The following GLMN variants were observed in gnomAD, a reference collection of about 807,000 sequenced individuals.
GLMN encodes glomulin, FKBP associated protein.
A neutral mutation model predicts 87.8 loss-of-function variants in GLMN; 75 were observed. The observed-to-expected ratio is 0.85, with a 90% CI of 0.71 to 1.04. The LOEUF (loss-of-function observed/expected upper bound fraction) is 1.04, where lower values mean the gene tolerates loss of function less well. GLMN is among the 50% of genes least tolerant of loss of function. The probability of loss-of-function intolerance (pLI) is 0.00; values close to 1 mark genes in which losing one functional copy is unlikely to be tolerated. For synonymous variants in GLMN, 206 were observed against 221.6 expected, an observed-to-expected ratio of 0.93 and a Z score of 0.63; for missense variants, 588 against 658.8, an observed-to-expected ratio of 0.89 and a Z score of 1.18.
the GLMN span, among the ~76,000 whole-genome samples, chr1:92,350,060 C>T: frequency 6.2e-4 from 95 of 152,248 alleles, no homozygotes; most frequent in South Asian, 2.3e-3. Flanking sequence ...AAATGCATCC[C>T]ATATGAAAAT....
chr1:92,297,399 C>A lies in GLMN; in HGVS notation c.165+5G>T, dbSNP rs766877348. On this transcript the variant is annotated splice_donor_5th_base_variant and intron_variant, in intron 3 of 18. Coordinates refer to ENST00000370360, the MANE Select transcript of GLMN (RefSeq NM_053274.3). ...CTGAAAAGTAAACACCAAGATTGTA[C>A]GCACCTTATTCTTTTCATTTTGAAT... The A allele has an allele frequency of 6.2e-7, 1 of 1,609,022 alleles. No individual in the cohort carries two copies. Among genetic ancestry groups the A allele is most frequent in the African/African-American group, 1.3e-5 (1 of 74,636 alleles).
chr1:92,314,547 C>T, the GLMN span, among the ~76,000 whole-genome samples: 397 of 147,466 alleles, frequency 2.7e-3, 3 homozygotes, highest in South Asian at 9.8e-3. Flanking sequence ...GTCAGGAGTT[C>T]AAGACCAGCC....
At chr1:92,315,876 G>T in the GLMN span, among the ~76,000 whole-genome samples, 1 of 152,148 alleles carries the variant, frequency 6.6e-6, no homozygotes, top group Non-Finnish European at 1.5e-5. Context: ...ACAAAACATT[G>T]ACCTAGAATG....
intron 16 of GLMN, among the ~76,000 whole-genome samples, chr1:92,253,964 C>A (rs1653883288): frequency 2.0e-5 from 3 of 152,010 alleles, no homozygotes; most frequent in Admixed American, 6.5e-5. Context: ...TAATAACAAA[C>A]TCCTCCAAGC....
At chr1:92,250,323 G>A (rs920487454) in intron 16 of GLMN, among the ~76,000 whole-genome samples, 5 of 151,908 alleles carry the variant, frequency 3.3e-5, no homozygotes, top group African/African-American at 9.7e-5. Flanking sequence ...ATGTTTAAAA[G>A]CACATAAATG....
In GLMN at chr1:92,278,068, T is replaced by C. The variant is rs1647505504; in HGVS notation, c.736-6416A>G. On this transcript the variant is annotated intron_variant, in intron 7 of 18. Transcript: ENST00000370360. Reference sequence around the variant, plus strand: ...ATTGAATTAGAGGACACCCAATTGGTGTCCGTTGTACAACTGCTTGCTTGC... The same window carrying C: ...ATTGAATTAGAGGACACCCAATTGGCGTCCGTTGTACAACTGCTTGCTTGC... Among the ~76,000 whole-genome samples, 4 of 152,090 alleles carry C rather than the reference T, an allele frequency of 2.6e-5. No individual in the cohort carries two copies. In the South Asian group the frequency reaches 8.3e-4, roughly 32 times the overall value.
intron 14 of GLMN, 116 bp downstream of exon 14, chr1:92,264,429 CTTAATAATA>C (rs1655380532): frequency 8.1e-6 from 5 of 617,190 alleles, no homozygotes; most frequent in Middle Eastern, 8.6e-4. Flanking sequence ...AAAAATATGC[CTTAATAATA>C]TTTAAGTAAT....
intron 8 of GLMN, 35 bp from the exon 9 acceptor site, chr1:92,269,811 CACACACACAGAGATATGTACA>C: frequency 8.0e-7 from 1 of 1,245,500 alleles, no homozygotes; most frequent in Non-Finnish European, 1.2e-6. Context: ...ATATATTATA[CACACACACAGAGATATGTACA>C]CACATACATA....
At chr1:92,269,850 G>T in intron 8 of GLMN, 74 bp from the exon 9 acceptor site, 1 of 973,700 alleles carries the variant, frequency 1.0e-6, no homozygotes, top group South Asian at 1.3e-5. Flanking sequence ...ATATTGTTAT[G>T]GGTTGAATTG....
At chr1:92,318,265 G>A in the GLMN span, among the ~76,000 whole-genome samples, 3 of 152,154 alleles carry the variant, frequency 2.0e-5, no homozygotes, top group African/African-American at 7.2e-5. Flanking sequence ...TAGCGCTTTA[G>A]ATAAGCTATC....
At chr1:92,263,428 G>T (rs565168021) in intron 15 of GLMN, among the ~76,000 whole-genome samples, 195 bp downstream of exon 15, 1 of 152,280 alleles carries the variant, frequency 6.6e-6, no homozygotes, top group African/African-American at 2.4e-5. Flanking sequence ...CATTCATCTA[G>T]AAAGAGGAGG....
chr1:92,273,286 T>C (rs1287809906), intron 7 of GLMN, among the ~76,000 whole-genome samples: 1 of 152,204 alleles, frequency 6.6e-6, no homozygotes, highest in Non-Finnish European at 1.5e-5. Context: ...ATGCTAAATA[T>C]ATACTGCTGC....
chr1:92,277,986 G>A (rs918670285), intron 7 of GLMN, among the ~76,000 whole-genome samples: 2 of 152,070 alleles, frequency 1.3e-5, no homozygotes, highest in Non-Finnish European at 2.9e-5. Context: ...GCAGTCTTGA[G>A]GTATTTAGCC....
At chr1:92,347,336 T>C in the GLMN span, among the ~76,000 whole-genome samples, 1 of 150,394 alleles carries the variant, frequency 6.6e-6, no homozygotes, top group Non-Finnish European at 1.5e-5. Context: ...AAAATATCAG[T>C]ATCTCTGCTC....
intron 16 of GLMN, among the ~76,000 whole-genome samples, chr1:92,249,491 C>A (rs1653158890): frequency 6.6e-6 from 1 of 151,922 alleles, no homozygotes; most frequent in South Asian, 2.1e-4. Flanking sequence ...CTCTCTCTAT[C>A]CAGCCTTTTT....
Position 92,271,855 on chromosome 1 carries a change from G to A in GLMN, c.736-203C>T, listed in dbSNP as rs554707635. 9.6e-4 allele frequency among the ~76,000 whole-genome samples: 146 copies of A among 152,178 alleles called. 1 individual carries two copies. The highest frequency in any genetic ancestry group is 3.4e-3 in the African/African-American group (143 of 41,510). Reference sequence around the variant, plus strand: ...TTAGATTATATGACAAAAGTGAAGGGGTTTTTGCAGATGTAATTAAGGTCC... The same window carrying A: ...TTAGATTATATGACAAAAGTGAAGGAGTTTTTGCAGATGTAATTAAGGTCC... On this transcript the variant is annotated intron_variant, in intron 7 of 18. Coordinates refer to ENST00000370360, the MANE Select transcript of GLMN (RefSeq NM_053274.3).
chr1:92,286,438 A>C (rs1648757352), intron 7 of GLMN, 52 bp downstream of exon 7: 1 of 877,318 alleles, frequency 1.1e-6, no homozygotes, highest in Non-Finnish European at 2.0e-6. Context: ...AGTACTGAGA[A>C]TATAGTGGGA....
the GLMN span, among the ~76,000 whole-genome samples, chr1:92,339,919 T>G: frequency 6.6e-6 from 1 of 152,318 alleles, no homozygotes; most frequent in South Asian, 2.1e-4. Context: ...GAGATTTGCT[T>G]CAAAATTATC....
chr1:92,261,607 A>G (rs1426552496), intron 16 of GLMN, among the ~76,000 whole-genome samples: 1 of 152,250 alleles, frequency 6.6e-6, no homozygotes, highest in Non-Finnish European at 1.5e-5. Context: ...GAAATGTTCT[A>G]TATTGATATG....
Sources: allele counts gnomAD v4.1 joint callset (sites outside exome capture counted in the v4.1 genomes callset), GRCh38; gene constraint gnomAD v4.1.1; transcripts MANE v1.5; gene names NCBI Gene and HGNC (gene_info 2026-07-23, HGNC 2026-07-21).